Variants in KIAA1217 observed in about 807,000 individuals in gnomAD.
KIAA1217 encodes KIAA1217.
In KIAA1217, 88 loss-of-function variants were observed where a neutral mutation model predicts 163.9. The observed-to-expected ratio is 0.54, with a 90% CI of 0.45 to 0.64. KIAA1217 has a LOEUF of 0.64. Ranked by LOEUF, KIAA1217 falls within the 30% of genes least tolerant of loss-of-function variation. The pLI is 0.00. For synonymous variants in KIAA1217, 903 were observed against 923.1 expected (o/e 0.98, Z 0.39); for missense variants, 2,372 against 2,475.0 (o/e 0.96, Z 0.88).
chr10:24,500,713 T>C (rs1275817459), intron 8 of KIAA1217, among the ~76,000 whole-genome samples: 1 of 152,188 alleles, frequency 6.6e-6, no homozygotes, highest in Non-Finnish European at 1.5e-5. Flanking sequence ...ATAAGCACTC[T>C]ATATTAGGTC....
chr10:24,462,770 A>C (rs147717570), intron 5 of KIAA1217, among the ~76,000 whole-genome samples: 2 of 152,206 alleles, frequency 1.3e-5, no homozygotes, highest in Non-Finnish European at 2.9e-5. Context: ...TTGTTAGAAT[A>C]TGAAGTGTCA....
At chr10:24,220,509 C>T (rs1301923281) in intron 2 of KIAA1217, among the ~76,000 whole-genome samples, 89 of 130,246 alleles carry the variant, frequency 6.8e-4, no homozygotes, top group African/African-American at 2.8e-3. Flanking sequence ...GGCTAGAGTG[C>T]AGTGGTGCGA....
At chr10:23,998,533 AG>A (rs1348137034) in intron 1 of KIAA1217, among the ~76,000 whole-genome samples, 5 of 152,274 alleles carry the variant, frequency 3.3e-5, no homozygotes, top group African/African-American at 1.2e-4. Flanking sequence ...GACAAGGCAC[AG>A]GGGCCAACAG....
intron 1 of KIAA1217, among the ~76,000 whole-genome samples, chr10:23,972,872 C>A (rs183773548): frequency 5.7e-4 from 87 of 152,242 alleles, no homozygotes; most frequent in Non-Finnish European, 9.0e-4. Context: ...AAACCAAGCA[C>A]TGCATGTTCT....
At chr10:24,304,524 T>C (rs2041780249) in intron 2 of KIAA1217, among the ~76,000 whole-genome samples, 2 of 152,000 alleles carry the variant, frequency 1.3e-5, no homozygotes, top group South Asian at 2.1e-4. Flanking sequence ...CATTTTTTTA[T>C]AGGGACGGGG....
intron 1 of KIAA1217, among the ~76,000 whole-genome samples, chr10:23,699,905 A>G (rs1382371117): frequency 6.6e-6 from 1 of 152,230 alleles, no homozygotes; most frequent in Non-Finnish European, 1.5e-5. Context: ...CTTGCTCACT[A>G]CAGGTCTAAG....
chr10:24,118,464 G>A (rs1371120256), intron 2 of KIAA1217, among the ~76,000 whole-genome samples: 1 of 152,160 alleles, frequency 6.6e-6, no homozygotes, highest in Non-Finnish European at 1.5e-5. Context: ...TCGGTAGGGA[G>A]TCCTCAGCAG....
At chr10:24,265,924 A>C (rs1467779556) in intron 2 of KIAA1217, among the ~76,000 whole-genome samples, 1 of 152,160 alleles carries the variant, frequency 6.6e-6, no homozygotes, top group Non-Finnish European at 1.5e-5. Context: ...TCAGAGAGAA[A>C]CAAAAGAACT....
At position 24,491,569 on chromosome 10, in the gene KIAA1217, T is replaced by A. The variant is rs1045933294; in HGVS notation, c.1680-2931T>A. On this transcript the variant is annotated intron_variant, in intron 6 of 20. Coordinates refer to ENST00000376454, the MANE Select transcript of KIAA1217 (RefSeq NM_019590.5). ...CCTCCCAAAGCACTGGGATTACAGA[T>A]GTGAGCCACTGCGCCCAGCCTGTTT... is the stretch of plus-strand genomic sequence containing the variant. 2.0e-4 allele frequency among the ~76,000 whole-genome samples: 31 copies of A among 152,292 alleles called. No homozygotes were observed. In the South Asian group the frequency reaches 3.1e-3, roughly 15 times the overall value.
At chr10:23,915,069 A>G (rs1267448974) in intron 1 of KIAA1217, among the ~76,000 whole-genome samples, 2 of 152,280 alleles carry the variant, frequency 1.3e-5, no homozygotes, top group East Asian at 1.9e-4. Context: ...AAATAAGAAA[A>G]GAAAAAAGAA....
rs3748215 is a variant in KIAA1217, at chr10:24,473,536, A to G, written c.1155A>G (p.Ala385=). ...PDEDMSGKNI[A]MYRNEGFYAD... ...AAGACATGAGTGGCAAAAACATTGCAATGTACAGAAATGAGGGTTTCTATG... is the reference window on the plus strand; with the variant it reads ...AAGACATGAGTGGCAAAAACATTGCGATGTACAGAAATGAGGGTTTCTATG... Residue 385 remains alanine, a synonymous_variant, in exon 6 of 21, where the codon GCA becomes GCG. Coordinates refer to ENST00000376454, the MANE Select transcript of KIAA1217 (RefSeq NM_019590.5). 0.11 allele frequency: 173,440 copies of G among 1,614,008 alleles called. 10,875 individuals are homozygous for G. The highest frequency in any genetic ancestry group is 0.15 in the East Asian group (6,767 of 44,860).
chr10:23,863,976 A>G (rs1840065987), intron 1 of KIAA1217, among the ~76,000 whole-genome samples: 1 of 152,204 alleles, frequency 6.6e-6, no homozygotes, highest in East Asian at 1.9e-4. Context: ...AAATGACAGT[A>G]GGAATAAATG....
At chr10:23,792,388 A>G (rs1229062707) in intron 1 of KIAA1217, among the ~76,000 whole-genome samples, 1 of 152,240 alleles carries the variant, frequency 6.6e-6, no homozygotes, top group African/African-American at 2.4e-5. Flanking sequence ...TAGTTCTCTT[A>G]TAGTAAACTT....
At chr10:24,361,679 G>T (rs911685463) in intron 2 of KIAA1217, among the ~76,000 whole-genome samples, 1 of 152,090 alleles carries the variant, frequency 6.6e-6, no homozygotes, top group Non-Finnish European at 1.5e-5. Flanking sequence ...TTCTTTATTA[G>T]AAATAGAATG....
At chr10:24,423,502 C>T (rs1325815537) in intron 3 of KIAA1217, among the ~76,000 whole-genome samples, 2 of 152,064 alleles carry the variant, frequency 1.3e-5, no homozygotes, top group African/African-American at 4.8e-5. Flanking sequence ...CTCTGTCGCC[C>T]AGGCTGAAGT....
At chr10:24,466,999 C>T (rs377096726) in intron 5 of KIAA1217, among the ~76,000 whole-genome samples, 14 of 151,842 alleles carry the variant, frequency 9.2e-5, no homozygotes, top group African/African-American at 3.1e-4. Context: ...GACATGATTA[C>T]ATGAGGCAGT....
intron 2 of KIAA1217, among the ~76,000 whole-genome samples, chr10:24,115,029 C>A (rs2062997177): frequency 6.6e-6 from 1 of 152,222 alleles, no homozygotes; most frequent in Admixed American, 6.5e-5. Flanking sequence ...TCTCTCTAAT[C>A]CTAAGATAAA....
chr10:23,969,677 A>C (rs1471770799), intron 1 of KIAA1217, among the ~76,000 whole-genome samples: 4 of 152,142 alleles, frequency 2.6e-5, no homozygotes, highest in African/African-American at 7.2e-5. Context: ...ATTCTGGGTA[A>C]AAGTCCCTTT....
chr10:24,207,724 C>T, upstream of KIAA1217, among the ~76,000 whole-genome samples: 1 of 152,158 alleles, frequency 6.6e-6, no homozygotes, highest in East Asian at 1.9e-4. Flanking sequence ...TCTCTTCTTC[C>T]CCTCCTGACG....
Sources: allele counts gnomAD v4.1 joint callset (sites outside exome capture counted in the v4.1 genomes callset), GRCh38; gene constraint gnomAD v4.1.1; transcripts MANE v1.5; gene names NCBI Gene and HGNC (gene_info 2026-07-23, HGNC 2026-07-21).